Variants in ABCC5 observed in about 807,000 individuals in gnomAD.
ABCC5 encodes ATP-binding cassette sub-family C member 5.
Under a neutral mutation model 160.9 loss-of-function variants are expected in ABCC5, and 61 were observed. The observed-to-expected ratio is 0.38, with a 90% CI of 0.31 to 0.47. The LOEUF is 0.47. Among genes scored for constraint, ABCC5 ranks in the 20% least tolerant of loss-of-function variants. The pLI is 0.99. For missense variants in ABCC5, 1,308 were observed against 1,813.3 expected (o/e 0.72, Z 5.06); for synonymous variants, 666 against 700.6 (o/e 0.95, Z 0.78).
chr3:183,983,962 A>G, intron 5 of ABCC5: 1 of 985,434 alleles, frequency 1.0e-6, no homozygotes. Flanking sequence ...AATAGAACCC[A>G]TATCTGTTTC....
At chr3:184,006,239 C>CAGCA (rs1390237060) in intron 2 of ABCC5, 1 of 151,236 alleles carries the variant, frequency 6.6e-6, no homozygotes, top group African/African-American at 2.4e-5. Context: ...GTGTCACACC[C>CAGCA]AGCAGCGCCT....
At chr3:183,950,211 ACT>A (rs1285866052) in intron 20 of ABCC5, 86 bp from the exon 21 acceptor site, 3 of 1,415,470 alleles carry the variant, frequency 2.1e-6, no homozygotes, top group Non-Finnish European at 2.8e-6. Flanking sequence ...GGTTCCACAA[ACT>A]CTCTATCTGA....
chr3:183,948,821 G>A (rs1715076226), intron 22 of ABCC5, among the ~76,000 whole-genome samples: 1 of 152,070 alleles, frequency 6.6e-6, no homozygotes, highest in Admixed American at 6.6e-5. Flanking sequence ...TCCTGCCTCA[G>A]CCTCCTGAGT....
intron 2 of ABCC5, among the ~76,000 whole-genome samples, chr3:183,990,278 T>C (rs1719635367): frequency 6.6e-6 from 1 of 152,038 alleles, no homozygotes; most frequent in Non-Finnish European, 1.5e-5. Flanking sequence ...AGCTAATTTT[T>C]GTATTTTTAG....
chr3:183,963,671 GC>G lies in ABCC5; in HGVS notation c.2032-84del. ...GGGTCACCCAGTCACTTCTCTTCTTGCCCACCCAGACCAGCTCCTTCTGTCA... is the reference window on the plus strand; with the variant it reads ...GGGTCACCCAGTCACTTCTCTTCTTGCCACCCAGACCAGCTCCTTCTGTCA... On this transcript the variant is annotated intron_variant, in intron 14 of 29. Coordinates refer to ENST00000334444, the MANE Select transcript of ABCC5 (RefSeq NM_005688.4). This position sits in a 1 kb window ranked among gnomAD's most constrained non-coding sequence, Gnocchi z 4.6. The G allele has an allele frequency of 7.4e-7, 1 of 1,351,192 alleles. No individual in the cohort carries two copies. Among genetic ancestry groups the G allele is most frequent in the Non-Finnish European group, 1.0e-6 (1 of 972,124 alleles). 83.7% of individuals were successfully genotyped at this position (1,351,192 alleles called of 1,614,324 possible).
chr3:183,990,675 C>CTCTA (rs1294076058), intron 2 of ABCC5, among the ~76,000 whole-genome samples: 1 of 149,290 alleles, frequency 6.7e-6, no homozygotes, highest in Non-Finnish European at 1.5e-5. Context: ...AGCTGAAGAG[C>CTCTA]TCTACACTTC....
chr3:183,996,135 T>C (rs916408676), intron 2 of ABCC5, among the ~76,000 whole-genome samples: 1 of 152,226 alleles, frequency 6.6e-6, no homozygotes. Flanking sequence ...TCTTTGATGT[T>C]TGAGAAGCAT....
chr3:183,937,787 AGAC>A (rs1338632013), intron 26 of ABCC5, 111 bp downstream of exon 26: 1 of 1,180,300 alleles, frequency 8.5e-7, no homozygotes, highest in African/African-American at 1.5e-5. Flanking sequence ...GAAAAGCACC[AGAC>A]TAGAGATGGT....
At position 183,921,644 on chromosome 3, in the gene ABCC5, A is replaced by G. The variant is rs1711988514; in HGVS notation, c.4213-243T>C. On this transcript the variant is annotated intron_variant, in intron 29 of 29. Coordinates refer to ENST00000334444, the MANE Select transcript of ABCC5 (RefSeq NM_005688.4). This position sits in a 1 kb window ranked among gnomAD's most constrained non-coding sequence, Gnocchi z 4.1. ...TGGTTTTGCCTAATAAAGTAGTATC[A>G]TAGCAAAAAAAAAAAAAGAAAACGA... Among the ~76,000 whole-genome samples the G allele has an allele frequency of 6.6e-6, 1 of 151,780 alleles. No homozygotes were observed. Among genetic ancestry groups the G allele is most frequent in the Non-Finnish European group, 1.5e-5 (1 of 67,924 alleles).
chr3:183,972,966 G>A (rs1030996511), intron 10 of ABCC5, among the ~76,000 whole-genome samples: 3 of 151,482 alleles, frequency 2.0e-5, no homozygotes, highest in Non-Finnish European at 4.4e-5. Context: ...CTCTTGAAGA[G>A]GGAAATGTTT....
At chr3:183,962,376 T>C (rs771867316) in intron 15 of ABCC5, among the ~76,000 whole-genome samples, 1 of 152,156 alleles carries the variant, frequency 6.6e-6, no homozygotes, top group Non-Finnish European at 1.5e-5. Flanking sequence ...CTGTCTCTAC[T>C]GGTATCTAGT....
At chr3:183,922,081 A>AT (rs201893198) in intron 29 of ABCC5, among the ~76,000 whole-genome samples, 7 of 144,514 alleles carry the variant, frequency 4.8e-5, no homozygotes, top group African/African-American at 1.3e-4. Flanking sequence ...AAATAAATAA[A>AT]AAACAACAGG....
intron 26 of ABCC5, among the ~76,000 whole-genome samples, chr3:183,935,144 G>C (rs112754234): frequency 0.32 from 48,680 of 151,626 alleles, 8,302 homozygotes; most frequent in East Asian, 0.41. Flanking sequence ...CTCCCAAAGT[G>C]CTGGGATTAC....
intron 2 of ABCC5, among the ~76,000 whole-genome samples, chr3:184,008,784 C>A (rs1210375886): frequency 6.6e-6 from 1 of 152,242 alleles, no homozygotes; most frequent in Non-Finnish European, 1.5e-5. Flanking sequence ...AAGCACTGGC[C>A]TGCTCAAAGT....
chr3:184,014,264 C>T lies in ABCC5; in HGVS notation c.129G>A (p.Pro43=), dbSNP rs777765482. The T allele has an allele frequency of 1.9e-5, 30 of 1,611,888 alleles. No homozygotes were observed. Among genetic ancestry groups the T allele is most frequent in the Non-Finnish European group, 1.3e-5 (15 of 1,179,142 alleles). Reference sequence around the variant, plus strand: ...GAGACTCTTAGGAAAGGAAACTGACCGGTCGAGTTCTCCTGAACTTGGAAT... The same window carrying T: ...GAGACTCTTAGGAAAGGAAACTGACTGGTCGAGTTCTCCTGAACTTGGAAT... ...REDSKFRRTR[P]LECQDALETA... is the part of the protein sequence containing the mutation. Residue 43 remains proline, a splice_region_variant and synonymous_variant, in exon 2 of 30, where the codon CCG becomes CCA. Transcript: ENST00000334444.
intron 10 of ABCC5, among the ~76,000 whole-genome samples, chr3:183,973,758 C>T (rs1292899096): frequency 6.6e-6 from 1 of 152,198 alleles, no homozygotes; most frequent in African/African-American, 2.4e-5. Flanking sequence ...TTCATTTGTT[C>T]AAAGCCTTCC....
chr3:184,004,803 A>C (rs7644017), intron 2 of ABCC5, among the ~76,000 whole-genome samples: 152,346 of 152,348 alleles, frequency 1, 76,172 homozygotes, highest in Middle Eastern at 1. Context: ...TTGTCAAGTT[A>C]ACAGGATTCT....
intron 2 of ABCC5, among the ~76,000 whole-genome samples, chr3:184,003,058 G>A (rs73884819): frequency 6.6e-6 from 1 of 151,782 alleles, no homozygotes; most frequent in Non-Finnish European, 1.5e-5. Flanking sequence ...CAAGACAATG[G>A]GCGCCTCTTC....
Position 183,953,390 on chromosome 3 carries a change from T to C in ABCC5, c.2483-120A>G. 3 of 808,430 alleles carry C rather than the reference T, an allele frequency of 3.7e-6. No individual in the cohort carries two copies. The South Asian group carries it at 7.2e-5, about 19-fold the overall frequency. 50.1% of individuals were successfully genotyped at this position (808,430 alleles called of 1,614,324 possible). A position where few individuals can be genotyped will look rare whatever the true frequency, so the allele number is the denominator to read the frequency against. ...GCTTCACAGGGGTCTAGATTAGATT[T>C]CCTCTTTGTCAGAAGCATTCATTCA... On this transcript the variant is annotated intron_variant, in intron 17 of 29. Transcript: ENST00000334444.
Sources: gnomAD v4.1 joint callset for allele counts (sites outside exome capture counted in the v4.1 genomes callset) on GRCh38, gnomAD v4.1.1 for gene constraint, Gnocchi (gnomAD v3.1) non-coding constraint, MANE v1.5 for transcripts, NCBI Gene and HGNC (gene_info 2026-07-23, HGNC 2026-07-21) for gene names.